SYNE2: variants seen among roughly 807,000 people sequenced by gnomAD.
SYNE2 encodes the protein spectrin repeat containing nuclear envelope protein 2.
A neutral mutation model predicts 856.3 loss-of-function variants in SYNE2; 431 were observed. That is an observed-to-expected ratio of 0.50 (90% CI 0.47 to 0.55). SYNE2 has a LOEUF of 0.55. Among genes scored for constraint, SYNE2 ranks in the 20% least tolerant of loss-of-function variants. The pLI, the probability that SYNE2 is intolerant of heterozygous loss-of-function variation, is 0.00. For synonymous variants in SYNE2, 2,923 were observed against 2,872.3 expected, an observed-to-expected ratio of 1.02 and a Z score of -0.56; for missense variants, 8,129 against 8,023.2, an observed-to-expected ratio of 1.01 and a Z score of -0.50.
At chr14:63,873,562 ATT>A (rs1482716704) in intron 1 of SYNE2, 1 of 151,912 alleles carries the variant, frequency 6.6e-6, no homozygotes, top group Non-Finnish European at 1.5e-5. Flanking sequence ...CGCCTAGCCA[ATT>A]TTTGTATTAT....
chr14:64,055,835 T>TAAAAC, intron 48 of SYNE2, 109 bp from the exon 49 acceptor site: 1 of 760,740 alleles, frequency 1.3e-6, no homozygotes, highest in African/African-American at 1.8e-5. Flanking sequence ...ATAATAATAA[T>TAAAAC]AAAAAAAGAC....
chr14:64,115,297 G>A (rs946999385), intron 66 of SYNE2, among the ~76,000 whole-genome samples: 7 of 152,152 alleles, frequency 4.6e-5, no homozygotes, highest in African/African-American at 1.7e-4. Flanking sequence ...GATTATGATC[G>A]TGAGAGACAG....
chr14:64,006,552 G>A (rs1443568959), intron 30 of SYNE2, among the ~76,000 whole-genome samples: 1 of 152,168 alleles, frequency 6.6e-6, no homozygotes, highest in Admixed American at 6.6e-5. Flanking sequence ...AATGCAGCCA[G>A]GCACGGTAGC....
intron 43 of SYNE2, among the ~76,000 whole-genome samples, chr14:64,029,216 T>G (rs1299859227): frequency 6.6e-6 from 1 of 152,232 alleles, no homozygotes; most frequent in South Asian, 2.1e-4. Context: ...TATAATTCTT[T>G]GTACACTGAA....
chr14:63,814,057 C>A (rs1888724955), intron 1 of SYNE2, among the ~76,000 whole-genome samples: 1 of 148,010 alleles, frequency 6.8e-6, no homozygotes, highest in South Asian at 2.2e-4. Flanking sequence ...GACTCTGTCT[C>A]AAAAACAACA....
intron 1 of SYNE2, among the ~76,000 whole-genome samples, chr14:63,884,595 T>A (rs1206296484): frequency 6.6e-6 from 1 of 151,962 alleles, no homozygotes; most frequent in African/African-American, 2.4e-5. Context: ...CCTGGGTCAG[T>A]TGGAGTTGTC....
Position 64,165,306 on chromosome 14 carries a change from G to T in SYNE2, c.16501G>T (p.Asp5501Tyr). 1 of 1,613,896 alleles carries T rather than the reference G, an allele frequency of 6.2e-7. No homozygotes were observed. The highest frequency in any genetic ancestry group is 8.5e-7 in the Non-Finnish European group (1 of 1,179,882). Reference protein sequence around the residue: ...EFEFVLSQFKDFGVRLESLKG... With the variant: ...EFEFVLSQFKYFGVRLESLKG... ...CTAGTTTGTTCTCTCACAGTTTAAGGATTTTGGAGTCCGGCTGGAATCTTT... is the reference window on the plus strand; with the variant it reads ...CTAGTTTGTTCTCTCACAGTTTAAGTATTTTGGAGTCCGGCTGGAATCTTT... Residue 5501 changes from aspartate to tyrosine, a missense_variant, in exon 90 of 116, where the codon GAT becomes TAT. Physicochemically the swap from Asp to Tyr is radical, Grantham distance 160. This residue lies in a region of SYNE2 where 5,410 missense variants were observed against 5,284.8 expected (regional missense o/e 1.02). Coordinates refer to ENST00000555002, the MANE Select transcript of SYNE2 (RefSeq NM_182914.3).
chr14:64,122,461 T>C (rs1054775418), intron 70 of SYNE2, 34 bp downstream of exon 70: 3 of 1,613,842 alleles, frequency 1.9e-6, no homozygotes, highest in African/African-American at 1.3e-5. Context: ...AAATAGCCTG[T>C]TTATCTTTGA....
chr14:64,087,909 A>G (rs979814334), intron 58 of SYNE2, 53 bp downstream of exon 58: 3 of 1,583,212 alleles, frequency 1.9e-6, no homozygotes, highest in African/African-American at 1.3e-5. Flanking sequence ...AGGCTGGGCA[A>G]TGGTGGCTCA....
At chr14:63,932,037 G>A (rs2153400366) in intron 2 of SYNE2, among the ~76,000 whole-genome samples, 1 of 152,300 alleles carries the variant, frequency 6.6e-6, no homozygotes. Context: ...ACAAAGTATT[G>A]TCAGAGGCCA....
chr14:64,158,353 A>G (rs1003611658), intron 85 of SYNE2, among the ~76,000 whole-genome samples: 4 of 152,190 alleles, frequency 2.6e-5, no homozygotes, highest in African/African-American at 9.6e-5. Context: ...ATACTCACCC[A>G]GTGTTCTTTC....
At position 64,037,018 on chromosome 14, in the gene SYNE2, T is replaced by C. The variant is rs566132335; in HGVS notation, c.7221+5661T>C. 3.9e-5 allele frequency among the ~76,000 whole-genome samples: 6 copies of C among 152,204 alleles called. No homozygotes were observed. In the East Asian group the frequency reaches 1.2e-3, roughly 29 times the overall value. On this transcript the variant is annotated intron_variant, in intron 45 of 115. Coordinates refer to ENST00000555002, the MANE Select transcript of SYNE2 (RefSeq NM_182914.3). The stretch of plus-strand genomic sequence containing the variant: ...CCAAGGAATCTGACCTACACTGTAG[T>C]GTCAGAGAGAGCTCCCAGGAAGCAG...
intron 32 of SYNE2, among the ~76,000 whole-genome samples, chr14:64,012,878 A>G (rs1038309178): frequency 6.6e-6 from 1 of 152,246 alleles, no homozygotes; most frequent in African/African-American, 2.4e-5. Context: ...TTTCTGTAGC[A>G]TGGATCTTTA....
In SYNE2 at chr14:64,082,485, G is replaced by A. The variant is rs532079476; in HGVS notation, c.11484+905G>A. On this transcript the variant is annotated intron_variant, in intron 57 of 115. Coordinates refer to ENST00000555002, the MANE Select transcript of SYNE2 (RefSeq NM_182914.3). ...GCAGAGAGATTCTTCTTGAGAAAGC[G>A]GCTATATTGTCAGAGGGCCATGGAG... 1.1e-4 allele frequency among the ~76,000 whole-genome samples: 17 copies of A among 152,264 alleles called. No individual in the cohort carries two copies. The East Asian group carries it at 1.2e-3, about 10-fold the overall frequency.
At position 64,051,889 on chromosome 14, in the gene SYNE2, G is replaced by A. The variant is rs199561218; in HGVS notation, c.7976G>A (p.Arg2659Gln). 573 of 1,613,882 alleles carry A rather than the reference G, an allele frequency of 3.6e-4. 1 individual carries two copies. Among genetic ancestry groups the A allele is most frequent in the Non-Finnish European group, 4.4e-4 (523 of 1,180,030 alleles). ...TTAAGGCTGAAGTCTCCAGAAGAAC[G>A]GGCAGGGAACCAAAGCATGATTGCC... ...LQLRLKSPEE[R>Q]AGNQSMIALT... Residue 2659 changes from arginine (R) to glutamine (Q), a missense_variant, in exon 48 of 116, where the codon CGG becomes CAG. By Grantham distance (43) the Arg-to-Gln change is conservative. This residue lies in a region of SYNE2 where 5,410 missense variants were observed against 5,284.8 expected (regional missense o/e 1.02). Coordinates refer to ENST00000555002, the MANE Select transcript of SYNE2 (RefSeq NM_182914.3).
At chr14:63,896,656 C>T (rs182615048) in intron 1 of SYNE2, among the ~76,000 whole-genome samples, 175 of 152,236 alleles carry the variant, frequency 1.1e-3, no homozygotes, top group African/African-American at 4.0e-3. Context: ...TGCCCAAGGC[C>T]GAGTGGTCAG....
chr14:64,165,534 A>G, intron 90 of SYNE2, 124 bp downstream of exon 90: 5 of 1,033,574 alleles, frequency 4.8e-6, no homozygotes, highest in South Asian at 2.7e-5. Context: ...TTTTTTTGAG[A>G]CGGACTCTCG....
intron 96 of SYNE2, among the ~76,000 whole-genome samples, chr14:64,183,476 C>T (rs1351085107): frequency 6.6e-6 from 1 of 152,112 alleles, no homozygotes; most frequent in Non-Finnish European, 1.5e-5. Context: ...AGACGATGGG[C>T]GGCCAGGCAG....
intron 1 of SYNE2, among the ~76,000 whole-genome samples, chr14:63,816,462 C>G (rs141400926): frequency 1.3e-3 from 195 of 152,194 alleles, no homozygotes; most frequent in Middle Eastern, 3.4e-3. Flanking sequence ...ACATGCTACC[C>G]AAAATATGCT....
Sources: gnomAD v4.1 joint callset for allele counts (sites outside exome capture counted in the v4.1 genomes callset) on GRCh38, gnomAD v4.1.1 for gene constraint, gnomAD v4.1.1 regional missense constraint, MANE v1.5 for transcripts, NCBI Gene and HGNC (gene_info 2026-07-23, HGNC 2026-07-21) for gene names.